The following ENTREP2 variants were observed in gnomAD, a reference collection of about 807,000 sequenced individuals.
ENTREP2 encodes endosomal transmembrane epsin interactor 2, also known as protein ENTREP2.
chr15:29,219,818 G>A, the ENTREP2 span, among the ~76,000 whole-genome samples: 2 of 151,316 alleles, frequency 1.3e-5, no homozygotes, highest in Non-Finnish European at 2.9e-5. Flanking sequence ...AAGCTATGAG[G>A]ATGCAAAGGT....
the ENTREP2 span, among the ~76,000 whole-genome samples, chr15:29,635,471 T>G: frequency 6.6e-6 from 1 of 152,086 alleles, no homozygotes; most frequent in African/African-American, 2.4e-5. Flanking sequence ...TCCTGCACTG[T>G]AGGGCGGGAT....
chr15:29,473,944 C>T, the ENTREP2 span, among the ~76,000 whole-genome samples: 12 of 152,278 alleles, frequency 7.9e-5, no homozygotes, highest in African/African-American at 2.4e-4. Context: ...CACGGCAGTC[C>T]GGACTCCCAC....
At chr15:29,343,010 G>C in the ENTREP2 span, among the ~76,000 whole-genome samples, 1 of 124,012 alleles carries the variant, frequency 8.1e-6, no homozygotes, top group East Asian at 2.6e-4. Context: ...AATACTATAT[G>C]AGCTGGTAAA....
the ENTREP2 span, chr15:29,234,459 T>G: frequency 2.0e-6 from 3 of 1,492,942 alleles, no homozygotes; most frequent in South Asian, 2.3e-5. Flanking sequence ...CCTGTAGCTC[T>G]TGTGCCCAGC....
the ENTREP2 span, among the ~76,000 whole-genome samples, chr15:29,477,518 T>C: frequency 6.6e-5 from 10 of 152,296 alleles, no homozygotes; most frequent in Middle Eastern, 3.4e-3. Context: ...GAACTGTGGA[T>C]ACACGCTGAA....
chr15:29,443,431 C>T, the ENTREP2 span, among the ~76,000 whole-genome samples: 1 of 152,102 alleles, frequency 6.6e-6, no homozygotes, highest in Non-Finnish European at 1.5e-5. Flanking sequence ...GGGATGAGTA[C>T]ATTAGGAAAT....
chr15:29,570,390 C>T, the ENTREP2 span: 36 of 570,294 alleles, frequency 6.3e-5, no homozygotes, highest in African/African-American at 6.9e-4. Flanking sequence ...TACTCGGCCC[C>T]GGCGTTGGCC....
the ENTREP2 span, among the ~76,000 whole-genome samples, chr15:29,184,719 G>A: frequency 7.0e-4 from 107 of 152,226 alleles, no homozygotes; most frequent in Non-Finnish European, 1.4e-3. Flanking sequence ...CGGGACCAGC[G>A]CAAAATAATA....
the ENTREP2 span, among the ~76,000 whole-genome samples, chr15:29,548,440 G>A: frequency 8.9e-6 from 1 of 111,840 alleles, no homozygotes; most frequent in Non-Finnish European, 1.7e-5. Context: ...GGGCAAGAGA[G>A]CGAGATTCTG....
the ENTREP2 span, among the ~76,000 whole-genome samples, chr15:29,193,519 C>T: frequency 6.6e-6 from 1 of 152,190 alleles, no homozygotes; most frequent in African/African-American, 2.4e-5. Flanking sequence ...CATTGGTTTC[C>T]CTGGTTCTGA....
At chr15:29,496,179 C>G in the ENTREP2 span, among the ~76,000 whole-genome samples, 1 of 151,524 alleles carries the variant, frequency 6.6e-6, no homozygotes, top group Non-Finnish European at 1.5e-5. Context: ...AGACTGATTT[C>G]TTAATTTCTT....
chr15:29,323,774 C>T, the ENTREP2 span, among the ~76,000 whole-genome samples: 1 of 152,016 alleles, frequency 6.6e-6, no homozygotes, highest in South Asian at 2.1e-4. Context: ...TGGGGAAAAC[C>T]CCCACAATTT....
the ENTREP2 span, among the ~76,000 whole-genome samples, chr15:29,249,794 G>A: frequency 2.0e-5 from 3 of 152,096 alleles, no homozygotes; most frequent in Admixed American, 6.6e-5. Flanking sequence ...GGCTGTACAG[G>A]AAGCATGATG....
chr15:29,645,673 C>T, the ENTREP2 span, among the ~76,000 whole-genome samples: 2 of 152,056 alleles, frequency 1.3e-5, no homozygotes, highest in African/African-American at 4.8e-5. Flanking sequence ...ATTCTCCTGC[C>T]TCAGCTTCCC....
the ENTREP2 span, among the ~76,000 whole-genome samples, chr15:29,347,450 T>A: frequency 6.6e-6 from 1 of 152,100 alleles, no homozygotes. Flanking sequence ...GAATTACAGG[T>A]GTCAGCCACC....
At chr15:29,149,489 C>T in the ENTREP2 span, among the ~76,000 whole-genome samples, 7 of 152,200 alleles carry the variant, frequency 4.6e-5, no homozygotes, top group Non-Finnish European at 8.8e-5. Context: ...GGGAATGGTT[C>T]GCACAGCCAG....
the ENTREP2 span, among the ~76,000 whole-genome samples, chr15:29,276,741 A>G: frequency 6.6e-6 from 1 of 152,240 alleles, no homozygotes; most frequent in Non-Finnish European, 1.5e-5. Flanking sequence ...TTACTAAAGC[A>G]TCTCCTTTTG....
the ENTREP2 span, chr15:29,151,610 G>A: frequency 5.8e-6 from 4 of 690,200 alleles, no homozygotes; most frequent in East Asian, 8.2e-5. Flanking sequence ...GCAACACAAG[G>A]TGGCCTCCAG....
the ENTREP2 span, among the ~76,000 whole-genome samples, chr15:29,560,520 G>A: frequency 2.0e-5 from 3 of 152,244 alleles, no homozygotes; most frequent in South Asian, 2.1e-4. Context: ...TGCCCTTGCT[G>A]TGTCCACTGC....
Sources: allele counts gnomAD v4.1 joint callset (sites outside exome capture counted in the v4.1 genomes callset), GRCh38; gene constraint gnomAD v4.1.1; transcripts MANE v1.5; gene names NCBI Gene and HGNC (gene_info 2026-07-23, HGNC 2026-07-21).